TBX18: variants seen among roughly 807,000 people sequenced by gnomAD.
TBX18 encodes T-box transcription factor 18, also known as T-box transcription factor TBX18.
In TBX18, 21 loss-of-function variants were observed where a neutral mutation model predicts 55.0. The ratio of observed to expected loss-of-function variants is 0.38; its 90% CI spans 0.27 to 0.55. The LOEUF (loss-of-function observed/expected upper bound fraction) is 0.55. Among genes scored for constraint, TBX18 ranks in the 20% least tolerant of loss-of-function variants. The probability of loss-of-function intolerance (pLI) is 0.73; values close to 1 mark genes in which losing one functional copy is unlikely to be tolerated. For synonymous variants in TBX18, 342 were observed against 326.1 expected (o/e 1.05, Z -0.53); for missense variants, 840 against 799.6 (o/e 1.05, Z -0.61).
chr6:84,751,854 CAG>C (rs1447453550), intron 4 of TBX18, among the ~76,000 whole-genome samples: 2 of 152,152 alleles, frequency 1.3e-5, no homozygotes, highest in African/African-American at 4.8e-5. Context: ...GGCAGGGGCA[CAG>C]GGGATGAACC....
intron 1 of TBX18, 39 bp from the exon 2 acceptor site, chr6:84,762,787 A>C (rs775232639): frequency 1.9e-6 from 3 of 1,557,804 alleles, no homozygotes; most frequent in South Asian, 1.2e-5. Flanking sequence ...CTGGTGAGGG[A>C]AACAGAGGGG....
At chr6:84,739,941 C>A (rs543518503) in intron 6 of TBX18, among the ~76,000 whole-genome samples, 4 of 152,178 alleles carry the variant, frequency 2.6e-5, no homozygotes, top group African/African-American at 7.2e-5. Context: ...TGGAGGAATA[C>A]GCCTACCCCA....
chr6:84,762,671 G>C lies in TBX18; in HGVS notation c.370C>G (p.Arg124Gly). 6.2e-7 allele frequency: 1 copy of C among 1,609,744 alleles called. No individual in the cohort carries two copies. Among genetic ancestry groups the C allele is most frequent in the Non-Finnish European group, 8.5e-7 (1 of 1,178,428 alleles). The change falls in exon 2 of 8, where the codon CGC (arginine) becomes GGC (glycine). Residue 124 changes from arginine to glycine, a missense_variant. Coordinates refer to ENST00000369663, the MANE Select transcript of TBX18 (RefSeq NM_001080508.3). ...PGGSPKGSPA[R>G]SLARPGTPLP... The stretch of plus-strand genomic sequence containing the variant: ...GGGGTCCCGGGCCGGGCCAGGGAGC[G>C]CGCCGGAGACCCCTTGGGGGAGCCT...
At chr6:84,745,082 T>C (rs574074786) in intron 5 of TBX18, among the ~76,000 whole-genome samples, 142 of 152,308 alleles carry the variant, frequency 9.3e-4, no homozygotes, top group Admixed American at 2.4e-3. Context: ...GTACACAACA[T>C]ACTATGAAAT....
At position 84,735,226 on chromosome 6, in the gene TBX18, A is replaced by T. The variant is rs901179106; in HGVS notation, c.*1459T>A. ...ATTTCGCTTTCTCCTCAGAAGGGGA[A>T]TGTGCCTCATCATGTATTCTTAGCC... On this transcript the variant is annotated 3_prime_UTR_variant, in exon 8 of 8. Coordinates refer to ENST00000369663, the MANE Select transcript of TBX18 (RefSeq NM_001080508.3). 1 of 152,234 alleles carries T rather than the reference A, an allele frequency of 6.6e-6. No individual in the cohort carries two copies. The highest frequency in any genetic ancestry group is 1.5e-5 in the Non-Finnish European group (1 of 68,038). 9.4% of individuals were successfully genotyped at this position (152,234 alleles called of 1,614,324 possible). A position where few individuals can be genotyped will look rare whatever the true frequency, so the allele number is the denominator to read the frequency against.
intron 6 of TBX18, among the ~76,000 whole-genome samples, chr6:84,740,137 G>A (rs1021416375): frequency 1.3e-5 from 2 of 152,202 alleles, no homozygotes; most frequent in South Asian, 4.1e-4. Flanking sequence ...AGAGGGGATA[G>A]TGCAGGATTG....
At chr6:84,748,219 T>C in intron 4 of TBX18, 132 bp from the exon 5 acceptor site, 1 of 587,950 alleles carries the variant, frequency 1.7e-6, no homozygotes, top group East Asian at 3.1e-5. Flanking sequence ...GTCAATTTAA[T>C]AAGAAATATC....
At chr6:84,752,265 G>A (rs1235972235) in intron 4 of TBX18, among the ~76,000 whole-genome samples, 1 of 152,096 alleles carries the variant, frequency 6.6e-6, no homozygotes, top group Non-Finnish European at 1.5e-5. Flanking sequence ...AGGCAACTGT[G>A]TCTAGTCTTA....
At chr6:84,750,987 T>A (rs1767333640) in intron 4 of TBX18, among the ~76,000 whole-genome samples, 1 of 152,180 alleles carries the variant, frequency 6.6e-6, no homozygotes. Flanking sequence ...GGGAGAACCC[T>A]TCCTCTTCTC....
rs148112049 is a variant in TBX18 at position 84,743,407 on chromosome 6, G to A, written c.1004+854C>T. 1.2e-4 allele frequency among the ~76,000 whole-genome samples: 18 copies of A among 152,212 alleles called. 1 individual carries two copies. The East Asian group carries it at 3.5e-3, about 29-fold the overall frequency. On this transcript the variant is annotated intron_variant, in intron 6 of 7. Coordinates refer to ENST00000369663, the MANE Select transcript of TBX18 (RefSeq NM_001080508.3). ...TGAAACTGCCTCTAAAATAATTGGG[G>A]ATTTTCAAGGAGTATTAGAATAATT...
intron 6 of TBX18, among the ~76,000 whole-genome samples, chr6:84,740,677 G>A (rs929732184): frequency 6.6e-6 from 1 of 152,080 alleles, no homozygotes; most frequent in African/African-American, 2.4e-5. Flanking sequence ...ACTAAATTTT[G>A]TGACTTTCCA....
rs1766952096 is a variant in TBX18, at chr6:84,738,572, C to A, written c.1024G>T (p.Val342Leu). The A allele has an allele frequency of 6.2e-7, 1 of 1,613,806 alleles. No individual in the cohort carries two copies. The highest frequency in any genetic ancestry group is 1.7e-5 in the Admixed American group (1 of 59,984). The change falls in exon 7 of 8, where the codon GTG becomes TTG. Residue 342 changes from valine (V) to leucine (L), a missense_variant. Physicochemically the swap from Val to Leu is conservative, Grantham distance 32. Coordinates refer to ENST00000369663, the MANE Select transcript of TBX18 (RefSeq NM_001080508.3). ...GGTCGCCAGAATGCATATGATTCCA[C>A]CAAGGCTTCCAAACCCATTCTAAAT... ...GRNRMGLEALVESYAFWRPSL... is the reference protein window; with the variant it reads ...GRNRMGLEALLESYAFWRPSL...
In TBX18 at chr6:84,762,629, C is replaced by A. The variant is rs779071464; in HGVS notation, c.412G>T (p.Ala138Ser). 1.9e-6 allele frequency: 3 copies of A among 1,612,572 alleles called. No homozygotes were observed. The highest frequency in any genetic ancestry group is 2.5e-6 in the Non-Finnish European group (3 of 1,179,458). Residue 138 changes from alanine to serine, a missense_variant, in exon 2 of 8, where the codon GCC (alanine) becomes TCC (serine). Ala to Ser is a moderately conservative substitution (Grantham distance 99, BLOSUM62 1). Transcript: ENST00000369663. ...RPGTPLPSPQAPRVDLQGAEL... is the reference protein window; with the variant it reads ...RPGTPLPSPQSPRVDLQGAEL... ...GCTCCCTGCAGATCCACCCGCGGGG[C>A]CTGCGGCGAGGGCAGAGGGGTCCCG...
chr6:84,760,420 G>A (rs1767618462), intron 2 of TBX18, 64 bp from the exon 3 acceptor site: 3 of 1,103,956 alleles, frequency 2.7e-6, no homozygotes, highest in Admixed American at 2.5e-5. Context: ...GATGGAGCGT[G>A]AATAAGCAAA....
chr6:84,754,691 T>G (rs566135941), intron 4 of TBX18, among the ~76,000 whole-genome samples: 1 of 152,256 alleles, frequency 6.6e-6, no homozygotes, highest in Non-Finnish European at 1.5e-5. Context: ...AGTACCCAGA[T>G]ACTTGGTCAA....
At position 84,752,603 on chromosome 6, in the gene TBX18, A is replaced by G. The variant is rs923879123; in HGVS notation, c.771+4095T>C. ...AAGTTCTCTGATTCCAATATAACCC[A>G]TGAGAAAAATCAACCCTCAGAGAAT... On this transcript the variant is annotated intron_variant, in intron 4 of 7. Coordinates refer to ENST00000369663, the MANE Select transcript of TBX18 (RefSeq NM_001080508.3). Among the ~76,000 whole-genome samples, 4 of 152,180 alleles carry G rather than the reference A, an allele frequency of 2.6e-5. No homozygotes were observed. In the East Asian group the frequency reaches 7.7e-4, roughly 29 times the overall value.
chr6:84,756,306 A>G (rs1398300171), intron 4 of TBX18, among the ~76,000 whole-genome samples: 2 of 152,248 alleles, frequency 1.3e-5, no homozygotes, highest in African/African-American at 2.4e-5. Context: ...CTGAGAAGCA[A>G]TGAACCTCAG....
intron 2 of TBX18, among the ~76,000 whole-genome samples, chr6:84,762,225 CA>C (rs1767667795): frequency 6.6e-6 from 1 of 152,082 alleles, no homozygotes; most frequent in African/African-American, 2.4e-5. Context: ...AATACCTGGA[CA>C]AGGGTAAATA....
At chr6:84,737,975 C>A (rs1766926474) in intron 7 of TBX18, among the ~76,000 whole-genome samples, 1 of 152,120 alleles carries the variant, frequency 6.6e-6, no homozygotes, top group East Asian at 1.9e-4. Flanking sequence ...ATGGAGCAGA[C>A]CAGAGAGGAA....
Sources: allele counts gnomAD v4.1 joint callset (sites outside exome capture counted in the v4.1 genomes callset), GRCh38; gene constraint gnomAD v4.1.1; transcripts MANE v1.5; gene names NCBI Gene and HGNC (gene_info 2026-07-23, HGNC 2026-07-21).